The following ATP6V0D1 variants were observed in gnomAD, a reference collection of about 807,000 sequenced individuals.
ATP6V0D1 encodes the protein ATPase H+ transporting V0 subunit d1.
ATP6V0D1 carries 13 observed loss-of-function variants against 39.0 expected under a neutral mutation model. That is an observed-to-expected ratio of 0.33 (90% CI 0.22 to 0.53). The LOEUF (loss-of-function observed/expected upper bound fraction) is 0.53. Among genes scored for constraint, ATP6V0D1 ranks in the 20% least tolerant of loss-of-function variants. ATP6V0D1 has a pLI of 0.94. For missense variants in ATP6V0D1, 272 were observed against 470.9 expected (o/e 0.58, Z 3.91); for synonymous variants, 191 against 191.2 (o/e 1.00, Z 0.01).
rs555322001 is a variant in ATP6V0D1 at position 67,456,591 on chromosome 16, G to C, written c.131-2876C>G. 3.3e-5 allele frequency: 5 copies of C among 152,230 alleles called. No individual in the cohort carries two copies. The highest frequency in any genetic ancestry group is 5.9e-5 in the Non-Finnish European group (4 of 68,040). The allele number at this position is 152,230 out of a possible 1,614,324, so 9.4% of individuals were successfully genotyped here. A position where few individuals can be genotyped will look rare whatever the true frequency, so the allele number is the denominator to read the frequency against. On this transcript the variant is annotated intron_variant, in intron 1 of 7. Transcript: ENST00000290949. This position sits in a 1 kb window ranked among gnomAD's most constrained non-coding sequence, Gnocchi z 4.1. ...CTGGGTCAGACCCAGGCACTGGTGC[G>C]GCAGCTGCCAGACCAAACCTGTCTG...
intron 1 of ATP6V0D1, among the ~76,000 whole-genome samples, chr16:67,477,397 GT>G (rs2041424041): frequency 6.6e-6 from 1 of 152,146 alleles, no homozygotes. Context: ...ACAAATTACT[GT>G]TTTTAAGGAA....
intron 1 of ATP6V0D1, chr16:67,455,040 A>C (rs1169610223): frequency 1.3e-5 from 2 of 152,264 alleles, no homozygotes. Flanking sequence ...AGGACACAGA[A>C]GCTCCCTGGG....
Position 67,453,080 on chromosome 16 carries a change from G to A in ATP6V0D1, c.302+464C>T, listed in dbSNP as rs1326360149. ...CAGATAGAGAATGGGCCTATCCTAA[G>A]ACCTTGGCCTTTCAGAGCTCTGTCC... On this transcript the variant is annotated intron_variant, in intron 2 of 7. Coordinates refer to ENST00000290949, the MANE Select transcript of ATP6V0D1 (RefSeq NM_004691.5). The surrounding 1 kb of genome is among the most constrained non-coding windows in gnomAD (Gnocchi z 4.1). Among the ~76,000 whole-genome samples the A allele has an allele frequency of 6.6e-6, 1 of 152,204 alleles. No individual in the cohort carries two copies. Among genetic ancestry groups the A allele is most frequent in the Non-Finnish European group, 1.5e-5 (1 of 68,034 alleles).
intron 4 of ATP6V0D1, among the ~76,000 whole-genome samples, chr16:67,442,664 G>A (rs1443850330): frequency 6.6e-6 from 1 of 151,984 alleles, no homozygotes; most frequent in Non-Finnish European, 1.5e-5. Context: ...GGGACATGAG[G>A]ACCTAGCTAT....
At position 67,438,950 on chromosome 16, in the gene ATP6V0D1, C is replaced by T. The variant is rs754268417; in HGVS notation, c.816+21G>A. ...TGGTGACAACACATCCAACCGCTGT[C>T]CTGCCAGCCGGGGCACTCACCGGGT... On this transcript the variant is annotated intron_variant, in intron 6 of 7. Coordinates refer to ENST00000290949, the MANE Select transcript of ATP6V0D1 (RefSeq NM_004691.5). The T allele has an allele frequency of 4.3e-6, 7 of 1,613,510 alleles. No individual in the cohort carries two copies. In the South Asian group the frequency reaches 6.6e-5, roughly 15 times the overall value.
intron 1 of ATP6V0D1, among the ~76,000 whole-genome samples, chr16:67,477,911 C>T (rs987914788): frequency 1.3e-5 from 2 of 152,252 alleles, no homozygotes; most frequent in East Asian, 1.9e-4. Flanking sequence ...CCTCATGATC[C>T]ACCCGTCTCA....
intron 1 of ATP6V0D1, among the ~76,000 whole-genome samples, chr16:67,471,918 A>T (rs2041376456): frequency 6.6e-6 from 1 of 152,114 alleles, no homozygotes; most frequent in Non-Finnish European, 1.5e-5. Context: ...CTGAGATTAC[A>T]GGCGTTAGCC....
chr16:67,472,422 A>AT (rs996721405), intron 1 of ATP6V0D1, among the ~76,000 whole-genome samples: 5 of 152,162 alleles, frequency 3.3e-5, no homozygotes, highest in South Asian at 2.1e-4. Flanking sequence ...TAGTCACTAG[A>AT]TTGCCAGTAC....
intron 2 of ATP6V0D1, among the ~76,000 whole-genome samples, chr16:67,450,571 C>T (rs866151578): frequency 5.3e-5 from 8 of 152,014 alleles, no homozygotes; most frequent in South Asian, 2.1e-4. Context: ...AGAGTGGTCA[C>T]GCCTGGAGAC....
rs563699010 is a variant in ATP6V0D1, at chr16:67,472,496, C to G, written c.130+8461G>C. On this transcript the variant is annotated intron_variant, in intron 1 of 7. Transcript: ENST00000290949. ...GAATTTAGGACTGAGCTAAGCTCAT[C>G]TTGCTGTCCAAGTTGTGGTCATCTA... is the stretch of plus-strand genomic sequence containing the variant. Among the ~76,000 whole-genome samples the G allele has an allele frequency of 3.3e-5, 5 of 152,342 alleles. No homozygotes were observed. In the South Asian group the frequency reaches 1.0e-3, roughly 32 times the overall value.
chr16:67,459,367 G>T, intron 1 of ATP6V0D1: 1 of 640,054 alleles, frequency 1.6e-6, no homozygotes, highest in Non-Finnish European at 1.9e-6. Flanking sequence ...CCATTGCCCT[G>T]GCTCCAGCAG....
chr16:67,445,648 A>G (rs1366867980), intron 2 of ATP6V0D1, among the ~76,000 whole-genome samples: 1 of 152,208 alleles, frequency 6.6e-6, no homozygotes, highest in Non-Finnish European at 1.5e-5. Context: ...CGAGGCTCCC[A>G]TCACTCTGCC....
Position 67,453,046 on chromosome 16 carries a change from T to C in ATP6V0D1, c.302+498A>G, listed in dbSNP as rs2041199244. On this transcript the variant is annotated intron_variant, in intron 2 of 7. Coordinates refer to ENST00000290949, the MANE Select transcript of ATP6V0D1 (RefSeq NM_004691.5). This position sits in a 1 kb window ranked among gnomAD's most constrained non-coding sequence, Gnocchi z 4.1. Reference sequence around the variant, plus strand: ...CCAATCTCCCTGAGACCCAGGGCCATGGTCAGAGCAGATAGAGAATGGGCC... The same window carrying C: ...CCAATCTCCCTGAGACCCAGGGCCACGGTCAGAGCAGATAGAGAATGGGCC... 6.6e-6 allele frequency among the ~76,000 whole-genome samples: 1 copy of C among 152,214 alleles called. No homozygotes were observed. The highest frequency in any genetic ancestry group is 1.5e-5 in the Non-Finnish European group (1 of 68,028).
Position 67,443,098 on chromosome 16 carries a change from C to A in ATP6V0D1, c.561+1G>T, listed in dbSNP as rs2041073044. 6.2e-7 allele frequency: 1 copy of A among 1,613,424 alleles called. No homozygotes were observed. The highest frequency in any genetic ancestry group is 1.3e-5 in the African/African-American group (1 of 74,920). On this transcript the variant is annotated splice_donor_variant, in intron 4 of 7. Coordinates refer to ENST00000290949, the MANE Select transcript of ATP6V0D1 (RefSeq NM_004691.5). LOFTEE classifies it high-confidence loss of function. Reference sequence around the variant, plus strand: ...CCCCCATGGCTTGTGTGGGGCATTACCTTGTAGAGGGTGTTGCGGATGATC... The same window carrying A: ...CCCCCATGGCTTGTGTGGGGCATTAACTTGTAGAGGGTGTTGCGGATGATC...
At chr16:67,480,378 A>C (rs1206946880) in intron 1 of ATP6V0D1, among the ~76,000 whole-genome samples, 1 of 152,038 alleles carries the variant, frequency 6.6e-6, no homozygotes, top group African/African-American at 2.4e-5. Flanking sequence ...CCAGACCTGC[A>C]AGGGCCACCC....
At chr16:67,459,395 G>C (rs1268422775) in intron 1 of ATP6V0D1, among the ~76,000 whole-genome samples, 1 of 152,186 alleles carries the variant, frequency 6.6e-6, no homozygotes, top group East Asian at 1.9e-4. Context: ...TGAGGTCTTT[G>C]AAGAGGCCTG....
chr16:67,449,746 A>G (rs1308429804), intron 2 of ATP6V0D1, among the ~76,000 whole-genome samples: 2 of 152,208 alleles, frequency 1.3e-5, no homozygotes, highest in Admixed American at 1.3e-4. Flanking sequence ...CTCTCCAGGC[A>G]CTGTCTATAC....
Position 67,471,922 on chromosome 16 carries a change from G to A in ATP6V0D1, c.130+9035C>T, listed in dbSNP as rs563764443. Among the ~76,000 whole-genome samples the A allele has an allele frequency of 1.2e-3, 187 of 152,048 alleles. 1 individual carries two copies. Among genetic ancestry groups the A allele is most frequent in the African/African-American group, 4.1e-3 (169 of 41,478 alleles). ...CTCCTCAGTGGCTGAGATTACAGGC[G>A]TTAGCCACCACACCAGGCCCAGTGA... On this transcript the variant is annotated intron_variant, in intron 1 of 7. Coordinates refer to ENST00000290949, the MANE Select transcript of ATP6V0D1 (RefSeq NM_004691.5).
chr16:67,442,505 G>A (rs1018547466), intron 4 of ATP6V0D1, among the ~76,000 whole-genome samples: 4 of 150,834 alleles, frequency 2.7e-5, no homozygotes, highest in Non-Finnish European at 5.9e-5. Flanking sequence ...CGGTCCCCTG[G>A]CTCTTTAATC....
Sources: gnomAD v4.1 joint callset for allele counts (sites outside exome capture counted in the v4.1 genomes callset) on GRCh38, gnomAD v4.1.1 for gene constraint, Gnocchi (gnomAD v3.1) non-coding constraint, MANE v1.5 for transcripts, NCBI Gene and HGNC (gene_info 2026-07-23, HGNC 2026-07-21) for gene names.